The following CCDC91 variants were observed in gnomAD, a reference collection of about 807,000 sequenced individuals.
CCDC91 encodes the protein coiled-coil domain containing 91.
Under a neutral mutation model 63.2 loss-of-function variants are expected in CCDC91, and 48 were observed. The observed-to-expected ratio is 0.76, with a 90% CI of 0.60 to 0.97. The LOEUF is 0.97. Among genes scored for constraint, CCDC91 ranks in the 50% least tolerant of loss-of-function variants. The pLI, the probability that CCDC91 is intolerant of heterozygous loss-of-function variation, is 0.00. For missense variants in CCDC91, 500 were observed against 494.6 expected, an observed-to-expected ratio of 1.01 and a Z score of -0.10; for synonymous variants, 167 against 165.8, an observed-to-expected ratio of 1.01 and a Z score of -0.06.
intron 1 of CCDC91, among the ~76,000 whole-genome samples, chr12:28,221,471 T>A (rs1396693641): frequency 1.3e-5 from 2 of 152,202 alleles, no homozygotes; most frequent in African/African-American, 4.8e-5. Context: ...TTTTGAATTG[T>A]TTTTTGTTGA....
chr12:28,519,456 C>T (rs1186857229), intron 12 of CCDC91, among the ~76,000 whole-genome samples: 1 of 151,900 alleles, frequency 6.6e-6, no homozygotes, highest in Admixed American at 6.6e-5. Context: ...TAGAAGCTGT[C>T]TGGAGGAGTC....
At chr12:28,238,788 T>A (rs1420392210) in intron 1 of CCDC91, among the ~76,000 whole-genome samples, 1 of 152,096 alleles carries the variant, frequency 6.6e-6, no homozygotes, top group South Asian at 2.1e-4. Flanking sequence ...GGGATTTGCA[T>A]GGGGAATTAT....
At chr12:28,533,294 G>C (rs531046650) in intron 12 of CCDC91, among the ~76,000 whole-genome samples, 15 of 151,988 alleles carry the variant, frequency 9.9e-5, no homozygotes, top group African/African-American at 3.4e-4. Flanking sequence ...GTAGAATTGT[G>C]CCTGGCTTAT....
At chr12:28,308,940 A>ACTC (rs1939029853) in intron 6 of CCDC91, among the ~76,000 whole-genome samples, 2 of 152,034 alleles carry the variant, frequency 1.3e-5, no homozygotes, top group Non-Finnish European at 2.9e-5. Flanking sequence ...ATCAGATCCC[A>ACTC]GACTCAATTC....
At chr12:28,300,835 A>ATT (rs1937995650) in intron 3 of CCDC91, among the ~76,000 whole-genome samples, 1 of 151,512 alleles carries the variant, frequency 6.6e-6, no homozygotes, top group African/African-American at 2.4e-5. Flanking sequence ...ATTTATTCTT[A>ATT]AGTACTGTAT....
At chr12:28,305,911 A>T (rs944337892) in intron 4 of CCDC91, 105 bp downstream of exon 4, 3 of 943,950 alleles carry the variant, frequency 3.2e-6, no homozygotes, top group Non-Finnish European at 4.7e-6. Flanking sequence ...TGTCTAAAAG[A>T]AGTATTTCTG....
chr12:28,468,691 C>T (rs1950660131), intron 11 of CCDC91, among the ~76,000 whole-genome samples: 1 of 151,834 alleles, frequency 6.6e-6, no homozygotes, highest in Non-Finnish European at 1.5e-5. Flanking sequence ...AAATCCTAAA[C>T]AAAATATTAG....
intron 8 of CCDC91, among the ~76,000 whole-genome samples, chr12:28,404,731 T>C (rs1434585089): frequency 6.6e-6 from 1 of 152,130 alleles, no homozygotes; most frequent in East Asian, 1.9e-4. Flanking sequence ...TCAACACTTT[T>C]ATTATTATAT....
intron 12 of CCDC91, among the ~76,000 whole-genome samples, chr12:28,524,630 G>T (rs1592953638): frequency 6.6e-6 from 1 of 152,040 alleles, no homozygotes; most frequent in East Asian, 1.9e-4. Context: ...GATTTAGGGA[G>T]GCGTCCCTCT....
intron 3 of CCDC91, among the ~76,000 whole-genome samples, chr12:28,284,814 T>A (rs1948815507): frequency 1.3e-5 from 2 of 152,204 alleles, no homozygotes; most frequent in African/African-American, 2.4e-5. Context: ...ATAGGCTGTT[T>A]ACTCTGAGAT....
At chr12:28,414,649 T>A (rs898283708) in intron 8 of CCDC91, among the ~76,000 whole-genome samples, 6 of 152,184 alleles carry the variant, frequency 3.9e-5, no homozygotes, top group Admixed American at 6.5e-5. Context: ...CATTTGAGTA[T>A]CAGTCATTAC....
intron 11 of CCDC91, among the ~76,000 whole-genome samples, chr12:28,471,939 T>C (rs1950839769): frequency 6.6e-6 from 1 of 152,038 alleles, no homozygotes; most frequent in Non-Finnish European, 1.5e-5. Flanking sequence ...TTAGTAGAGA[T>C]GGGGTTTTGC....
chr12:28,308,598 G>A (rs978595338), intron 6 of CCDC91, among the ~76,000 whole-genome samples: 1 of 151,580 alleles, frequency 6.6e-6, no homozygotes, highest in Non-Finnish European at 1.5e-5. Flanking sequence ...TTTTTCCTCA[G>A]TCATTTTTCT....
intron 8 of CCDC91, among the ~76,000 whole-genome samples, chr12:28,440,527 T>G (rs1949129238): frequency 6.6e-6 from 1 of 152,210 alleles, no homozygotes; most frequent in Admixed American, 6.5e-5. Context: ...TAGGCAATAA[T>G]TTTGTGGTAC....
intron 1 of CCDC91, among the ~76,000 whole-genome samples, chr12:28,242,758 G>A (rs1945430745): frequency 1.3e-5 from 2 of 152,152 alleles, no homozygotes; most frequent in African/African-American, 4.8e-5. Context: ...TGGAGGTAGG[G>A]CCTGGTGGGA....
intron 8 of CCDC91, among the ~76,000 whole-genome samples, chr12:28,408,910 T>G (rs773739565): frequency 3.3e-5 from 5 of 152,184 alleles, no homozygotes; most frequent in Non-Finnish European, 4.4e-5. Flanking sequence ...CCCAAAGTGC[T>G]GGGATTACAG....
chr12:28,300,067 T>C (rs1314132397), intron 3 of CCDC91, among the ~76,000 whole-genome samples: 2 of 151,506 alleles, frequency 1.3e-5, no homozygotes, highest in Non-Finnish European at 3.0e-5. Context: ...GTTTAATATA[T>C]TATATGATGA....
At chr12:28,318,613 C>T (rs1940162400) in intron 6 of CCDC91, among the ~76,000 whole-genome samples, 1 of 151,842 alleles carries the variant, frequency 6.6e-6, no homozygotes, top group Non-Finnish European at 1.5e-5. Context: ...ACATTTTAGT[C>T]TCAAAAAATG....
At chr12:28,371,565 A>C (rs544822936) in intron 7 of CCDC91, among the ~76,000 whole-genome samples, 1 of 152,344 alleles carries the variant, frequency 6.6e-6, no homozygotes, top group Non-Finnish European at 1.5e-5. Flanking sequence ...AAATAGAATT[A>C]TATGCATATT....
Sources: allele counts gnomAD v4.1 joint callset (sites outside exome capture counted in the v4.1 genomes callset), GRCh38; gene constraint gnomAD v4.1.1; transcripts MANE v1.5; gene names NCBI Gene and HGNC (gene_info 2026-07-23, HGNC 2026-07-21).